RSF1: variants seen among roughly 807,000 people sequenced by gnomAD.
The protein encoded by RSF1 is remodeling and spacing factor 1, also known as HBV pX-associated protein 8.
RSF1 carries 13 observed loss-of-function variants against 145.2 expected under a neutral mutation model. The observed-to-expected ratio is 0.09, with a 90% confidence interval of 0.06 to 0.14. The LOEUF is 0.14. Ranked by LOEUF, RSF1 falls within the 10% of genes least tolerant of loss-of-function variation. The pLI, the probability that RSF1 is intolerant of heterozygous loss-of-function variation, is 1.00. For synonymous variants in RSF1, 577 were observed against 592.6 expected, an observed-to-expected ratio of 0.97 and a Z score of 0.38; for missense variants, 1,517 against 1,718.2, an observed-to-expected ratio of 0.88 and a Z score of 2.07.
chr11:77,776,237 G>A (rs967474563), intron 1 of RSF1, among the ~76,000 whole-genome samples: 1 of 151,758 alleles, frequency 6.6e-6, no homozygotes. Context: ...AACAAAAACG[G>A]GGAAAAAACC....
chr11:77,857,408 G>T, the RSF1 span, among the ~76,000 whole-genome samples: 1 of 152,178 alleles, frequency 6.6e-6, no homozygotes, highest in Non-Finnish European at 1.5e-5. Flanking sequence ...TAGAATCATG[G>T]GAAGAGCTCT....
intron 2 of RSF1, among the ~76,000 whole-genome samples, chr11:77,756,623 C>T (rs186335278): frequency 2.2e-4 from 34 of 152,134 alleles, no homozygotes; most frequent in African/African-American, 8.2e-4. Context: ...AAGAAAATAT[C>T]AAGAGGTGAA....
intron 1 of RSF1, among the ~76,000 whole-genome samples, chr11:77,769,498 T>G (rs67230007): frequency 0.18 from 26,940 of 152,116 alleles, 2,980 homozygotes; most frequent in African/African-American, 0.29. Context: ...ACAAACCCCC[T>G]TCTTTCACAG....
At chr11:77,693,969 G>A (rs1229370303) in intron 7 of RSF1, among the ~76,000 whole-genome samples, 1 of 151,862 alleles carries the variant, frequency 6.6e-6, no homozygotes, top group African/African-American at 2.4e-5. Flanking sequence ...ATTTTTAGTA[G>A]AGACGGGGTT....
chr11:77,675,075 C>G lies in RSF1; in HGVS notation c.3523G>C (p.Asp1175His). 6.2e-7 allele frequency: 1 copy of G among 1,613,842 alleles called. No homozygotes were observed. The highest frequency in any genetic ancestry group is 8.5e-7 in the Non-Finnish European group (1 of 1,179,910). ...TTCTCCTCAGATTCCTCCTCTTCAT[C>G]ATCATCGGAATATTTTTTCTTTGGG... The part of the protein sequence containing the change: ...KTPKKKYSDD[D>H]EEEESEENSR... The change falls in exon 14 of 16, where the codon GAT (aspartate) becomes CAT (histidine). Residue 1175 changes from aspartate (D) to histidine (H), a missense_variant. By Grantham distance (81) the Asp-to-His change is moderately conservative. Coordinates refer to ENST00000308488, the MANE Select transcript of RSF1 (RefSeq NM_016578.4).
At chr11:77,789,202 C>G (rs1948491619) in intron 1 of RSF1, among the ~76,000 whole-genome samples, 1 of 152,164 alleles carries the variant, frequency 6.6e-6, no homozygotes, top group South Asian at 2.1e-4. Flanking sequence ...CCGTGGATTT[C>G]TGCAATTCTA....
At chr11:77,793,923 T>C (rs543316897) in intron 1 of RSF1, among the ~76,000 whole-genome samples, 115 of 149,926 alleles carry the variant, frequency 7.7e-4, no homozygotes, top group African/African-American at 2.6e-3. Flanking sequence ...AAAAAGGTAA[T>C]AAAAAAAAAG....
At chr11:77,783,591 C>T (rs1948425613) in intron 1 of RSF1, among the ~76,000 whole-genome samples, 1 of 152,098 alleles carries the variant, frequency 6.6e-6, no homozygotes, top group South Asian at 2.1e-4. Context: ...CCTGTAATCC[C>T]AGCGCTTTAG....
Position 77,661,135 on chromosome 11 carries a change from A to G in RSF1, c.*5782T>C, listed in dbSNP as rs1002502842. On this transcript the variant is annotated 3_prime_UTR_variant, in exon 16 of 16. Coordinates refer to ENST00000308488, the MANE Select transcript of RSF1 (RefSeq NM_016578.4). Reference sequence around the variant, plus strand: ...AGTCCACTGAATAACCAAATAGACCAATTCTAGTTTTTTCCTTCTTTTATA... The same window carrying G: ...AGTCCACTGAATAACCAAATAGACCGATTCTAGTTTTTTCCTTCTTTTATA... 3.3e-5 allele frequency: 5 copies of G among 152,138 alleles called. No homozygotes were observed. The highest frequency in any genetic ancestry group is 1.9e-4 in the East Asian group (1 of 5,198). 9.4% of individuals were successfully genotyped at this position (152,138 alleles called of 1,614,324 possible).
At chr11:77,763,386 A>G (rs1271088402) in intron 2 of RSF1, 2 of 152,044 alleles carry the variant, frequency 1.3e-5, no homozygotes, top group Admixed American at 1.3e-4. Flanking sequence ...AGAAACTTAC[A>G]ATATACACAA....
rs66595170 is a variant in RSF1, at chr11:77,788,142, C to CAAAAAAAAAAAAAAAAAAAA, written c.188-23473_188-23454dup. On this transcript the variant is annotated intron_variant, in intron 1 of 15. Coordinates refer to ENST00000308488, the MANE Select transcript of RSF1 (RefSeq NM_016578.4). ...GGGCAACCAGAGTGAGACACTATCT[C>CAAAAAAAAAAAAAAAAAAAA]AAAAAAAAAAAAAAAAAAAAAAAAA... Among the ~76,000 whole-genome samples the CAAAAAAAAAAAAAAAAAAAA allele has an allele frequency of 5.8e-4, 2 of 3,434 alleles. 1 individual carries two copies. The highest frequency in any genetic ancestry group is 1.0e-3 in the African/African-American group (2 of 1,946). The allele number at this position is 3,434 out of a possible 152,430, so 2.3% of individuals were successfully genotyped here.
intron 14 of RSF1, among the ~76,000 whole-genome samples, 168 bp downstream of exon 14, chr11:77,674,868 A>C (rs3781618): frequency 6.6e-6 from 1 of 152,108 alleles, no homozygotes; most frequent in East Asian, 1.9e-4. Context: ...GCATGGTGGC[A>C]CATGCCTGTA....
intron 2 of RSF1, 62 bp from the exon 3 acceptor site, chr11:77,747,190 G>C (rs1590864679): frequency 9.9e-7 from 1 of 1,009,294 alleles, no homozygotes; most frequent in Non-Finnish European, 1.6e-6. Flanking sequence ...TTGCAGGCTT[G>C]TACAACTATG....
chr11:77,720,821 A>G (rs1488598712), intron 5 of RSF1, among the ~76,000 whole-genome samples: 1 of 152,202 alleles, frequency 6.6e-6, no homozygotes, highest in Admixed American at 6.5e-5. Context: ...AGCAGGAGCT[A>G]TTGCTAGAAA....
the RSF1 span, among the ~76,000 whole-genome samples, chr11:77,845,593 G>C: frequency 6.6e-6 from 1 of 151,866 alleles, no homozygotes; most frequent in South Asian, 2.1e-4. Context: ...ACCATGTCCA[G>C]CTCTTTTTGT....
chr11:77,727,044 T>C (rs1441710729), intron 4 of RSF1, among the ~76,000 whole-genome samples: 1 of 152,226 alleles, frequency 6.6e-6, no homozygotes, highest in Non-Finnish European at 1.5e-5. Context: ...AAAACATACA[T>C]GTTCATACAT....
chr11:77,813,334 G>A (rs1948748591), intron 1 of RSF1: 1 of 866,228 alleles, frequency 1.2e-6, no homozygotes, highest in East Asian at 2.4e-5. Context: ...CATCTGCAAT[G>A]GTGACTTTCA....
chr11:77,720,215 G>A (rs1326183597), intron 5 of RSF1, among the ~76,000 whole-genome samples: 1 of 152,140 alleles, frequency 6.6e-6, no homozygotes, highest in Non-Finnish European at 1.5e-5. Flanking sequence ...TTCTTTATAT[G>A]AAATTCTCAA....
At chr11:77,710,618 CT>C (rs976855903) in intron 5 of RSF1, among the ~76,000 whole-genome samples, 2 of 152,168 alleles carry the variant, frequency 1.3e-5, no homozygotes, top group African/African-American at 4.8e-5. Flanking sequence ...AACTACTTCT[CT>C]GGTGTTGAGG....
Sources: gnomAD v4.1 joint callset for allele counts (sites outside exome capture counted in the v4.1 genomes callset) on GRCh38, gnomAD v4.1.1 for gene constraint, MANE v1.5 for transcripts, NCBI Gene and HGNC (gene_info 2026-07-23, HGNC 2026-07-21) for gene names.